ARMC9: variants seen among roughly 807,000 people sequenced by gnomAD.
The protein encoded by ARMC9 is armadillo repeat containing 9.
ARMC9 carries 94 observed loss-of-function variants against 107.0 expected under a neutral mutation model. The ratio of observed to expected loss-of-function variants is 0.88; its 90% CI spans 0.74 to 1.04. The LOEUF (loss-of-function observed/expected upper bound fraction) is 1.04, where lower values mean the gene tolerates loss of function less well. ARMC9 is among the 50% of genes least tolerant of loss of function. The pLI is 0.00. For synonymous variants in ARMC9, 380 were observed against 396.9 expected (o/e 0.96, Z 0.51); for missense variants, 942 against 1,030.1 (o/e 0.91, Z 1.17).
At chr2:231,345,167 T>C in intron 21 of ARMC9, 77 bp downstream of exon 21, 1 of 1,560,256 alleles carries the variant, frequency 6.4e-7, no homozygotes, top group South Asian at 1.2e-5. Context: ...GTATGTATTT[T>C]TAAAATTCAA....
chr2:231,370,888 G>A (rs1326373147), intron 24 of ARMC9, among the ~76,000 whole-genome samples: 1 of 152,230 alleles, frequency 6.6e-6, no homozygotes. Context: ...CTTAGGATAT[G>A]CGCATTTCTT....
In ARMC9 at chr2:231,312,575, A is replaced by G. The variant is rs188947150; in HGVS notation, c.1773+16322A>G. Among the ~76,000 whole-genome samples, 4 of 151,908 alleles carry G rather than the reference A, an allele frequency of 2.6e-5. No homozygotes were observed. The East Asian group carries it at 7.7e-4, about 29-fold the overall frequency. On this transcript the variant is annotated intron_variant, in intron 19 of 24. Coordinates refer to ENST00000611582, the MANE Select transcript of ARMC9 (RefSeq NM_001352754.2). ...TTTGAAGATAGTCTTTGTGTGCAAA[A>G]CAGCCTTTTACAGTTTCACACACTT...
chr2:231,282,066 C>G lies in ARMC9; in HGVS notation c.1559C>G (p.Pro520Arg). ...TTTTTCCTCCCCTTAAAGATACAGC[C>G]GTATGTGAATGGAGCTCTGTACAGC... Reference protein sequence around the residue: ...LLGHENHEIQPYVNGALYSIL... With the variant: ...LLGHENHEIQRYVNGALYSIL... The change falls in exon 17 of 25, where the codon CCG becomes CGG. Residue 520 changes from proline to arginine, a missense_variant. Coordinates refer to ENST00000611582, the MANE Select transcript of ARMC9 (RefSeq NM_001352754.2). 6.2e-7 allele frequency: 1 copy of G among 1,614,006 alleles called. No individual in the cohort carries two copies. Among genetic ancestry groups the G allele is most frequent in the Non-Finnish European group, 8.5e-7 (1 of 1,179,934 alleles).
intron 11 of ARMC9, among the ~76,000 whole-genome samples, 195 bp downstream of exon 11, chr2:231,259,297 G>A (rs1251448921): frequency 6.6e-6 from 1 of 152,112 alleles, no homozygotes; most frequent in Non-Finnish European, 1.5e-5. Context: ...CTATATTATG[G>A]CAATTGTGAT....
rs554033563 is a variant in ARMC9 at position 231,317,054 on chromosome 2, G to T, written c.1774-14739G>T. Among the ~76,000 whole-genome samples the T allele has an allele frequency of 5.6e-4, 85 of 152,204 alleles. 1 individual carries two copies. Among genetic ancestry groups the T allele is most frequent in the African/African-American group, 1.9e-3 (79 of 41,514 alleles). On this transcript the variant is annotated intron_variant, in intron 19 of 24. Transcript: ENST00000611582. ...TTGCATATTTTATCATTGCTCCCCTGTATGTAATGGGTTGTTTTCCCCTTA... is the reference window on the plus strand; with the variant it reads ...TTGCATATTTTATCATTGCTCCCCTTTATGTAATGGGTTGTTTTCCCCTTA...
chr2:231,265,376 A>G (rs1280586558), intron 12 of ARMC9, among the ~76,000 whole-genome samples: 2 of 152,244 alleles, frequency 1.3e-5, no homozygotes, highest in African/African-American at 4.8e-5. Context: ...GTGGATAAAG[A>G]AAATGTAATA....
In ARMC9 at chr2:231,222,462, C is replaced by T. The variant is rs75778057; in HGVS notation, c.505-266C>T. On this transcript the variant is annotated intron_variant, in intron 5 of 24. Transcript: ENST00000611582. ...CCTTGTCACGACTGTGTTTAAATCACATGAAATACTCAAATCATGTTCAGG... is the reference window on the plus strand; with the variant it reads ...CCTTGTCACGACTGTGTTTAAATCATATGAAATACTCAAATCATGTTCAGG... Among the ~76,000 whole-genome samples, 4 of 152,318 alleles carry T rather than the reference C, an allele frequency of 2.6e-5. No individual in the cohort carries two copies. In the East Asian group the frequency reaches 7.7e-4, roughly 29 times the overall value.
Position 231,206,263 on chromosome 2 carries a change from T to G in ARMC9, c.25T>G (p.Ser9Ala). The part of the protein sequence containing the change: MGDILAHE[S>A]ELLGLVKEYL... ...TATGGGGGACATTCTGGCTCATGAA[T>G]CTGAATTACTTGGACTAGTGAAAGA... Residue 9 changes from serine (S) to alanine (A), a missense_variant, in exon 2 of 25, where the codon TCT (serine) becomes GCT (alanine). Coordinates refer to ENST00000611582, the MANE Select transcript of ARMC9 (RefSeq NM_001352754.2). 6.2e-7 allele frequency: 1 copy of G among 1,613,834 alleles called. No individual in the cohort carries two copies. Among genetic ancestry groups the G allele is most frequent in the Non-Finnish European group, 8.5e-7 (1 of 1,179,708 alleles).
intron 16 of ARMC9, among the ~76,000 whole-genome samples, 174 bp downstream of exon 16, chr2:231,278,632 G>A (rs954672768): frequency 6.6e-6 from 1 of 152,180 alleles, no homozygotes; most frequent in African/African-American, 2.4e-5. Flanking sequence ...ATAATTTTTA[G>A]AATTTTGGAA....
At chr2:231,365,392 G>T (rs781078427) in intron 23 of ARMC9, among the ~76,000 whole-genome samples, 9 of 152,168 alleles carry the variant, frequency 5.9e-5, no homozygotes, top group Admixed American at 3.3e-4. Flanking sequence ...TGCCTCGGGA[G>T]ATGCTGAGTC....
At chr2:231,348,620 G>A (rs956713368) in intron 21 of ARMC9, among the ~76,000 whole-genome samples, 1 of 152,106 alleles carries the variant, frequency 6.6e-6, no homozygotes, top group Admixed American at 6.6e-5. Context: ...TATAGCAAAG[G>A]AAACAATCAA....
chr2:231,241,586 A>G (rs923166114), intron 9 of ARMC9, among the ~76,000 whole-genome samples: 4 of 152,192 alleles, frequency 2.6e-5, no homozygotes, highest in African/African-American at 9.7e-5. Flanking sequence ...TTAATATAGT[A>G]TTAGAGTCTT....
chr2:231,257,970 G>A (rs1037248645), intron 10 of ARMC9, among the ~76,000 whole-genome samples: 5 of 152,112 alleles, frequency 3.3e-5, no homozygotes, highest in Admixed American at 6.5e-5. Context: ...CTGGCTGACC[G>A]AAGGTGGGTG....
chr2:231,277,088 CAAA>C (rs2039826168), intron 15 of ARMC9, among the ~76,000 whole-genome samples: 1 of 152,104 alleles, frequency 6.6e-6, no homozygotes, highest in African/African-American at 2.4e-5. Context: ...TTTCTGAAGA[CAAA>C]GAAGTGTGTT....
intron 14 of ARMC9, among the ~76,000 whole-genome samples, chr2:231,274,424 A>G (rs1054799426): frequency 2.0e-5 from 3 of 152,128 alleles, no homozygotes; most frequent in East Asian, 3.9e-4. Context: ...CCTACACCAC[A>G]TTTTGTTTGT....
intron 12 of ARMC9, among the ~76,000 whole-genome samples, chr2:231,264,846 C>A (rs1342583678): frequency 2.0e-5 from 3 of 151,966 alleles, no homozygotes; most frequent in African/African-American, 7.2e-5. Flanking sequence ...GTGGCTCATG[C>A]CTATAATTGC....
Position 231,287,529 on chromosome 2 carries a change from GGCTTT to G in ARMC9, c.1627-3800_1627-3796del, listed in dbSNP as rs201979888. Among the ~76,000 whole-genome samples the G allele has an allele frequency of 4.3e-3, 661 of 151,968 alleles. 1 individual carries two copies. The highest frequency in any genetic ancestry group is 6.8e-3 in the Middle Eastern group (2 of 294). On this transcript the variant is annotated intron_variant, in intron 17 of 24. Transcript: ENST00000611582. ...TATTCCGTGATGCTCACTAGGTATG[GGCTTT>G]GCTTTGCTTTGCTTTGCTTTGCTCT...
chr2:231,208,257 C>A lies in ARMC9; in HGVS notation c.177+5C>A. On this transcript the variant is annotated splice_donor_5th_base_variant and intron_variant, in intron 3 of 24. Transcript: ENST00000611582. ...TCCAAATCATTGACAATTCAGGTAA[C>A]ATTTTGCTTATTTTTCATCCCTGTA... 6.2e-7 allele frequency: 1 copy of A among 1,602,312 alleles called. No homozygotes were observed. Among genetic ancestry groups the A allele is most frequent in the Non-Finnish European group, 8.5e-7 (1 of 1,172,600 alleles).
intron 19 of ARMC9, among the ~76,000 whole-genome samples, chr2:231,321,940 C>T (rs957112233): frequency 2.6e-5 from 4 of 152,220 alleles, no homozygotes; most frequent in African/African-American, 9.7e-5. Context: ...ATCATCTCCA[C>T]ATTTCTTGCT....
Sources: allele counts gnomAD v4.1 joint callset (sites outside exome capture counted in the v4.1 genomes callset), GRCh38; gene constraint gnomAD v4.1.1; transcripts MANE v1.5; gene names NCBI Gene and HGNC (gene_info 2026-07-23, HGNC 2026-07-21).